Variants in SCIN observed in about 807,000 individuals in gnomAD.
The protein encoded by SCIN is scinderin.
SCIN carries 91 observed loss-of-function variants against 91.8 expected under a neutral mutation model. That is an observed-to-expected ratio of 0.99 (90% CI 0.84 to 1.18). The LOEUF (loss-of-function observed/expected upper bound fraction) is 1.18, where lower values mean the gene tolerates loss of function less well. SCIN is among the 50% of genes most tolerant of loss of function. SCIN has a pLI of 0.00. For synonymous variants in SCIN, 367 were observed against 312.6 expected (o/e 1.17, Z -1.84); for missense variants, 1,087 against 863.9 (o/e 1.26, Z -3.24).
At chr7:12,576,704 G>A (rs1782379459) in intron 1 of SCIN, among the ~76,000 whole-genome samples, 1 of 144,774 alleles carries the variant, frequency 6.9e-6, no homozygotes, top group African/African-American at 2.6e-5. Context: ...CCTACATCTG[G>A]TCTTTTTCTC....
chr7:12,633,964 T>C (rs1783696600), intron 9 of SCIN, among the ~76,000 whole-genome samples: 1 of 122,266 alleles, frequency 8.2e-6, no homozygotes, highest in Non-Finnish European at 1.8e-5. Context: ...TTTGTGTGCA[T>C]GTTTTTTTTT....
intron 11 of SCIN, among the ~76,000 whole-genome samples, chr7:12,643,697 C>G (rs1442126028): frequency 6.6e-6 from 1 of 152,202 alleles, no homozygotes; most frequent in Non-Finnish European, 1.5e-5. Flanking sequence ...CCATTTGGCA[C>G]AGCAAATCAC....
chr7:12,604,751 G>T, intron 4 of SCIN, 88 bp downstream of exon 4: 1 of 1,152,852 alleles, frequency 8.7e-7, no homozygotes, highest in Admixed American at 2.6e-5. Flanking sequence ...AGGCAGCAGG[G>T]TGGGGAAGAA....
intron 3 of SCIN, chr7:12,596,574 C>A: frequency 2.6e-6 from 1 of 389,164 alleles, no homozygotes; most frequent in Non-Finnish European, 5.2e-6. Flanking sequence ...GCCTGCGTAA[C>A]TACCTGTAAC....
At position 12,644,585 on chromosome 7, in the gene SCIN, G is replaced by A. The variant is rs775783218; in HGVS notation, c.1761G>A (p.Glu587=). The A allele has an allele frequency of 8.4e-5, 136 of 1,612,222 alleles. No individual in the cohort carries two copies. Among genetic ancestry groups the A allele is most frequent in the Non-Finnish European group, 1.1e-4 (124 of 1,179,250 alleles). ...GATAACTGAGTGTGTTTTCCACAGA[G>A]GAGTTCTGGAATTCCCTTGGAGGGA... ...TLRIQEGEEP[E]EFWNSLGGKK... Residue 587 remains glutamate, a splice_region_variant and synonymous_variant, in exon 13 of 16, where the codon GAG becomes GAA. Coordinates refer to ENST00000297029, the MANE Select transcript of SCIN (RefSeq NM_001112706.3).
At chr7:12,645,116 C>T (rs1783936305) in intron 13 of SCIN, among the ~76,000 whole-genome samples, 2 of 151,370 alleles carry the variant, frequency 1.3e-5, no homozygotes, top group Non-Finnish European at 2.9e-5. Context: ...TCAAGGAGTT[C>T]CAGACCAGCC....
At chr7:12,579,303 T>G (rs1400954696) in intron 2 of SCIN, among the ~76,000 whole-genome samples, 2 of 152,216 alleles carry the variant, frequency 1.3e-5, no homozygotes, top group East Asian at 3.8e-4. Context: ...AAATGATTAT[T>G]TTATTCTAGG....
intron 4 of SCIN, among the ~76,000 whole-genome samples, chr7:12,615,898 T>C (rs774966253): frequency 6.6e-5 from 10 of 152,126 alleles, no homozygotes; most frequent in African/African-American, 2.2e-4. Flanking sequence ...CTTGGCCAGA[T>C]TGAATTAAAA....
intron 15 of SCIN, 95 bp from the exon 16 acceptor site, chr7:12,652,493 T>C (rs1157428922): frequency 8.9e-7 from 1 of 1,126,780 alleles, no homozygotes; most frequent in Non-Finnish European, 1.3e-6. Flanking sequence ...TCTGGAAATT[T>C]AATTCATTAC....
intron 5 of SCIN, among the ~76,000 whole-genome samples, chr7:12,624,252 T>C (rs1018784989): frequency 3.9e-5 from 6 of 152,182 alleles, no homozygotes; most frequent in Admixed American, 3.9e-4. Flanking sequence ...TAGGGAGGGC[T>C]CTGGAATCTG....
intron 3 of SCIN, among the ~76,000 whole-genome samples, chr7:12,585,684 T>G (rs1441824445): frequency 6.6e-6 from 1 of 152,228 alleles, no homozygotes; most frequent in Non-Finnish European, 1.5e-5. Context: ...TTCTCCCAAG[T>G]GCTCTACATT....
chr7:12,585,163 T>C (rs1470132530), intron 3 of SCIN, among the ~76,000 whole-genome samples: 1 of 152,162 alleles, frequency 6.6e-6, no homozygotes, highest in Non-Finnish European at 1.5e-5. Context: ...CAGTCAGACT[T>C]TCACTCTCAC....
chr7:12,623,616 C>G (rs1033734818), intron 5 of SCIN, among the ~76,000 whole-genome samples: 2 of 152,044 alleles, frequency 1.3e-5, no homozygotes, highest in Non-Finnish European at 2.9e-5. Context: ...TCCAGTGTTC[C>G]CTCCCCTTGC....
intron 2 of SCIN, among the ~76,000 whole-genome samples, chr7:12,579,212 A>G (rs1185726630): frequency 6.6e-6 from 1 of 152,176 alleles, no homozygotes; most frequent in African/African-American, 2.4e-5. Context: ...TTACCTGTTC[A>G]GAGTCTTCGT....
chr7:12,578,038 T>C (rs1449917781), intron 1 of SCIN, 26 bp from the exon 2 acceptor site: 18 of 1,506,066 alleles, frequency 1.2e-5, no homozygotes, highest in Non-Finnish European at 1.6e-5. Context: ...GCTTGATAAT[T>C]GAGGTGCTGT....
Position 12,629,119 on chromosome 7 carries a change from A to C in SCIN, c.1216A>C (p.Asn406His). 6.2e-7 allele frequency: 1 copy of C among 1,612,774 alleles called. No homozygotes were observed. The highest frequency in any genetic ancestry group is 8.5e-7 in the Non-Finnish European group (1 of 1,179,210). ...GKVEIWRVEN[N>H]GRIQVDQNSY... ...CTTCCAGATTTGGCGTGTAGAAAAC[A>C]ATGGTAGGATCCAAGTTGACCAAAA... Residue 406 changes from asparagine (N) to histidine (H), a missense_variant, in exon 9 of 16, where the codon AAT becomes CAT. Physicochemically the swap from Asn to His is moderately conservative, Grantham distance 68. Transcript: ENST00000297029.
rs961364985 is a variant in SCIN at position 12,650,900 on chromosome 7, G to C, written c.1960-941G>C. 3.4e-4 allele frequency among the ~76,000 whole-genome samples: 52 copies of C among 152,098 alleles called. 1 individual carries two copies. The highest frequency in any genetic ancestry group is 3.4e-3 in the Admixed American group (52 of 15,278). Reference sequence around the variant, plus strand: ...GATCACCCACAGACAAGCTCTACACGTGGTCTACATGTGGTCTCTTCCAGC... The same window carrying C: ...GATCACCCACAGACAAGCTCTACACCTGGTCTACATGTGGTCTCTTCCAGC... On this transcript the variant is annotated intron_variant, in intron 14 of 15. Transcript: ENST00000297029.
At chr7:12,605,842 CTT>C (rs1783071549) in intron 4 of SCIN, among the ~76,000 whole-genome samples, 1 of 152,140 alleles carries the variant, frequency 6.6e-6, no homozygotes, top group African/African-American at 2.4e-5. Context: ...ACGCAACACA[CTT>C]ATGATTTTAG....
At position 12,654,804 on chromosome 7, in the gene SCIN, G is replaced by C. The variant is rs1225069591; in HGVS notation, c.*2089G>C. On this transcript the variant is annotated 3_prime_UTR_variant, in exon 16 of 16. Coordinates refer to ENST00000297029, the MANE Select transcript of SCIN (RefSeq NM_001112706.3). The stretch of plus-strand genomic sequence containing the variant: ...TCAAAAATGAGATCAGCAGCAAGAT[G>C]ATAAGGCAGAATAAAAGTTGCTGAG... 6.6e-6 allele frequency: 1 copy of C among 152,138 alleles called. No homozygotes were observed. Among genetic ancestry groups the C allele is most frequent in the Non-Finnish European group, 1.5e-5 (1 of 68,010 alleles). 9.4% of individuals were successfully genotyped at this position (152,138 alleles called of 1,614,324 possible). A position where few individuals can be genotyped will look rare whatever the true frequency, so the allele number is the denominator to read the frequency against.
Sources: allele counts gnomAD v4.1 joint callset (sites outside exome capture counted in the v4.1 genomes callset), GRCh38; gene constraint gnomAD v4.1.1; transcripts MANE v1.5; gene names NCBI Gene and HGNC (gene_info 2026-07-23, HGNC 2026-07-21).